The following FNBP1 variants were observed in gnomAD, a reference collection of about 807,000 sequenced individuals.
The protein encoded by FNBP1 is formin binding protein 1.
FNBP1 carries 26 observed loss-of-function variants against 90.6 expected under a neutral mutation model. The ratio of observed to expected loss-of-function variants is 0.29; its 90% confidence interval spans 0.21 to 0.40. The LOEUF (loss-of-function observed/expected upper bound fraction) is 0.40, where lower values mean the gene tolerates loss of function less well. Among genes scored for constraint, FNBP1 ranks in the 10% least tolerant of loss-of-function variants. The probability of loss-of-function intolerance (pLI) is 1.00; values close to 1 mark genes in which losing one functional copy is unlikely to be tolerated. For synonymous variants in FNBP1, 260 were observed against 265.2 expected, an observed-to-expected ratio of 0.98 and a Z score of 0.19; for missense variants, 635 against 768.0, an observed-to-expected ratio of 0.83 and a Z score of 2.05.
At chr9:129,988,063 T>A (rs1472977980) in intron 2 of FNBP1, among the ~76,000 whole-genome samples, 2 of 151,978 alleles carry the variant, frequency 1.3e-5, no homozygotes, top group Admixed American at 1.3e-4. Context: ...CTAAGAGAAA[T>A]GCAATTTAAG....
intron 6 of FNBP1, among the ~76,000 whole-genome samples, chr9:129,953,210 G>C (rs2046426640): frequency 6.6e-6 from 1 of 152,176 alleles, no homozygotes; most frequent in Admixed American, 6.5e-5. Flanking sequence ...ATCTTGCCAG[G>C]TATGGTGGCT....
chr9:129,934,917 A>G (rs2043212711), intron 6 of FNBP1, among the ~76,000 whole-genome samples: 2 of 151,996 alleles, frequency 1.3e-5, no homozygotes, highest in South Asian at 4.1e-4. Flanking sequence ...TCCATTCTCA[A>G]TATCATTATG....
At chr9:129,943,402 T>TTTTG in intron 6 of FNBP1, among the ~76,000 whole-genome samples, 1 of 116,866 alleles carries the variant, frequency 8.6e-6, no homozygotes, top group African/African-American at 3.1e-5. Flanking sequence ...TTTTTTTTTT[T>TTTTG]TGAGATGGAC....
intron 1 of FNBP1, among the ~76,000 whole-genome samples, chr9:130,019,086 G>T (rs2131861703): frequency 6.6e-6 from 1 of 152,108 alleles, no homozygotes; most frequent in Non-Finnish European, 1.5e-5. Context: ...AATTAGCCGG[G>T]CATGGTGGCC....
chr9:129,958,671 C>T (rs2047312400), intron 4 of FNBP1, 118 bp from the exon 5 acceptor site: 1 of 788,606 alleles, frequency 1.3e-6, no homozygotes, highest in Non-Finnish European at 2.0e-6. Context: ...TATGTATGCT[C>T]CAAAGAAATT....
chr9:129,898,510 G>A lies in FNBP1; in HGVS notation c.1687+1455C>T, dbSNP rs561021201. Among the ~76,000 whole-genome samples the A allele has an allele frequency of 2.0e-5, 3 of 149,070 alleles. No individual in the cohort carries two copies. In the East Asian group the frequency reaches 5.9e-4, roughly 29 times the overall value. On this transcript the variant is annotated intron_variant, in intron 15 of 16. Transcript: ENST00000446176. Reference sequence around the variant, plus strand: ...TGCAAACTGCCTGCTTTTTTTTTTTGAGAGGGAGTCTTGCTCTGTTGCCAG... The same window carrying A: ...TGCAAACTGCCTGCTTTTTTTTTTTAAGAGGGAGTCTTGCTCTGTTGCCAG...
intron 4 of FNBP1, among the ~76,000 whole-genome samples, chr9:129,972,448 T>G (rs897217995): frequency 3.9e-5 from 6 of 152,062 alleles, no homozygotes; most frequent in African/African-American, 1.2e-4. Flanking sequence ...CAATTACACA[T>G]TTTTAGAAAG....
rs1205053684 is a variant in FNBP1 at position 129,887,801 on chromosome 9, A to C, written c.*2738T>G. On this transcript the variant is annotated 3_prime_UTR_variant, in exon 17 of 17. Coordinates refer to ENST00000446176, the MANE Select transcript of FNBP1 (RefSeq NM_015033.3). ...AAAATTAGTCATCTTACAACACAAC[A>C]GTATTCTAGCACGGTGGCGAAGTGA... 1 of 230,008 alleles carries C rather than the reference A, an allele frequency of 4.3e-6. No individual in the cohort carries two copies. The highest frequency in any genetic ancestry group is 8.6e-6 in the Non-Finnish European group (1 of 116,118). The allele number at this position is 230,008 out of a possible 1,614,324, so 14.2% of individuals were successfully genotyped here.
chr9:129,993,224 C>CAAA (rs200526839), intron 2 of FNBP1, among the ~76,000 whole-genome samples: 15 of 130,020 alleles, frequency 1.2e-4, no homozygotes, highest in Admixed American at 2.4e-4. Flanking sequence ...GAGACTGTCT[C>CAAA]AAAAAAAAAA....
At chr9:129,919,372 G>C (rs2040757619) in intron 10 of FNBP1, 1 of 374,322 alleles carries the variant, frequency 2.7e-6, no homozygotes, top group Non-Finnish European at 5.1e-6. Flanking sequence ...TCCATACAAT[G>C]AACTCTAAAA....
At chr9:129,958,980 T>C (rs1302465567) in intron 4 of FNBP1, among the ~76,000 whole-genome samples, 1 of 762 alleles carries the variant, frequency 1.3e-3, no homozygotes, top group Non-Finnish European at 4.3e-3. Context: ...AGTGAAACTC[T>C]GCCTCAAAAA....
At chr9:130,005,372 C>T (rs1311444344) in intron 1 of FNBP1, among the ~76,000 whole-genome samples, 4 of 143,656 alleles carry the variant, frequency 2.8e-5, no homozygotes, top group South Asian at 4.4e-4. Flanking sequence ...GACGGAGTCT[C>T]GCTCTGTTGC....
intron 10 of FNBP1, among the ~76,000 whole-genome samples, chr9:129,917,900 A>C (rs1003595930): frequency 9.9e-5 from 15 of 152,192 alleles, no homozygotes; most frequent in Non-Finnish European, 2.9e-5. Flanking sequence ...ACGCACAGAC[A>C]AGACTTATGG....
chr9:130,029,846 T>A (rs1346670370), intron 1 of FNBP1, among the ~76,000 whole-genome samples: 3 of 151,800 alleles, frequency 2.0e-5, no homozygotes, highest in Non-Finnish European at 2.9e-5. Flanking sequence ...CAGCCTGGTG[T>A]GGTGTTGCCG....
chr9:130,001,333 A>C (rs1207509807), intron 1 of FNBP1, among the ~76,000 whole-genome samples: 8 of 151,846 alleles, frequency 5.3e-5, no homozygotes, highest in Non-Finnish European at 1.0e-4. Flanking sequence ...ACAAAACAAA[A>C]AAAAACAGCT....
At chr9:130,039,446 G>A (rs367637745) in intron 1 of FNBP1, among the ~76,000 whole-genome samples, 5 of 152,166 alleles carry the variant, frequency 3.3e-5, no homozygotes, top group East Asian at 1.9e-4. Context: ...AGGCCGAGGC[G>A]GGCAGATCAC....
At chr9:129,997,767 T>C (rs1229221207) in intron 1 of FNBP1, among the ~76,000 whole-genome samples, 1 of 152,184 alleles carries the variant, frequency 6.6e-6, no homozygotes, top group African/African-American at 2.4e-5. Flanking sequence ...GAGGATCACT[T>C]GAGCCCAGGA....
rs906885103 is a variant in FNBP1, at chr9:129,957,029, A to C, written c.513+331T>G. On this transcript the variant is annotated intron_variant, in intron 6 of 16. Transcript: ENST00000446176. The surrounding 1 kb of genome is among the most constrained non-coding windows in gnomAD (Gnocchi z 4.3). Reference sequence around the variant, plus strand: ...ACAGGGGAAATGAAAGACACACTTGAGCTTTCTTTTGTCTTTTTTTTTTTT... The same window carrying C: ...ACAGGGGAAATGAAAGACACACTTGCGCTTTCTTTTGTCTTTTTTTTTTTT... 3.9e-5 allele frequency among the ~76,000 whole-genome samples: 5 copies of C among 127,354 alleles called. No homozygotes were observed. Among genetic ancestry groups the C allele is most frequent in the Admixed American group, 2.8e-4 (3 of 10,536 alleles). 83.5% of individuals were successfully genotyped at this position (127,354 alleles called of 152,430 possible).
chr9:129,971,645 C>A (rs1045428383), intron 4 of FNBP1, among the ~76,000 whole-genome samples: 1 of 152,244 alleles, frequency 6.6e-6, no homozygotes, highest in Non-Finnish European at 1.5e-5. Context: ...CCTGCCTTGG[C>A]CTCCCAAAGT....
Sources: allele counts gnomAD v4.1 joint callset (sites outside exome capture counted in the v4.1 genomes callset), GRCh38; gene constraint gnomAD v4.1.1; non-coding constraint Gnocchi (gnomAD v3.1); transcripts MANE v1.5; gene names NCBI Gene and HGNC (gene_info 2026-07-23, HGNC 2026-07-21).